Variants in DNAH14 observed in about 807,000 individuals in gnomAD.
DNAH14 encodes dynein axonemal heavy chain 14.
DNAH14 carries 478 observed loss-of-function variants against 520.9 expected under a neutral mutation model. The observed-to-expected ratio is 0.92, with a 90% CI of 0.85 to 0.99. The LOEUF is 0.99. Ranked by LOEUF, DNAH14 falls within the 50% of genes least tolerant of loss-of-function variation. The probability of loss-of-function intolerance (pLI) is 0.00; values close to 1 mark genes in which losing one functional copy is unlikely to be tolerated. For synonymous variants in DNAH14, 1,581 were observed against 1,757.2 expected, an observed-to-expected ratio of 0.90 and a Z score of 2.51; for missense variants, 4,831 against 5,234.5, an observed-to-expected ratio of 0.92 and a Z score of 2.38.
At chr1:225,389,941 C>T in intron 83 of DNAH14, 68 bp downstream of exon 83, 1 of 1,410,576 alleles carries the variant, frequency 7.1e-7, no homozygotes, top group South Asian at 1.3e-5. Context: ...CCTTCTGTCA[C>T]TCACCCTTTC....
At chr1:224,996,083 G>C (rs2063370537) in intron 8 of DNAH14, among the ~76,000 whole-genome samples, 1 of 152,040 alleles carries the variant, frequency 6.6e-6, no homozygotes, top group Non-Finnish European at 1.5e-5. Flanking sequence ...TTTGGGAGGT[G>C]TCATGATTTC....
chr1:225,275,694 T>A (rs1208929054), intron 52 of DNAH14, among the ~76,000 whole-genome samples: 1 of 152,166 alleles, frequency 6.6e-6, no homozygotes, highest in Non-Finnish European at 1.5e-5. Flanking sequence ...CCCTTATATT[T>A]TGATATATGC....
intron 7 of DNAH14, 75 bp from the exon 8 acceptor site, chr1:224,974,015 TA>T: frequency 1.0e-6 from 1 of 967,082 alleles, no homozygotes; most frequent in Non-Finnish European, 1.4e-6. Flanking sequence ...CTGGTATTAC[TA>T]AGCTTTTACT....
At chr1:225,207,321 C>A (rs1243940226) in intron 41 of DNAH14, 101 bp downstream of exon 41, 30 of 1,254,726 alleles carry the variant, frequency 2.4e-5, no homozygotes, top group Non-Finnish European at 3.0e-5. Context: ...AAAGAGCAGG[C>A]ATTTTTAGTC....
intron 36 of DNAH14, among the ~76,000 whole-genome samples, chr1:225,182,623 C>G (rs2084173632): frequency 6.6e-6 from 1 of 152,140 alleles, no homozygotes; most frequent in South Asian, 2.1e-4. Flanking sequence ...TACCCCAACC[C>G]CAGGCAGCAC....
In DNAH14 at chr1:225,393,876, T is replaced by C. The variant is rs571636199; in HGVS notation, c.13491+1425T>C. ...CTCTGTCACCCAGGCTGGAGTGCAG[T>C]GGCACGATCTCAGCTCACTGCAAGC... On this transcript the variant is annotated intron_variant, in intron 84 of 85. Coordinates refer to ENST00000682510, the MANE Select transcript of DNAH14 (RefSeq NM_001367479.1). Among the ~76,000 whole-genome samples the C allele has an allele frequency of 3.3e-5, 5 of 151,628 alleles. No individual in the cohort carries two copies. In the South Asian group the frequency reaches 1.0e-3, roughly 32 times the overall value.
chr1:225,309,736 T>C (rs577115530), intron 60 of DNAH14, among the ~76,000 whole-genome samples: 23 of 152,110 alleles, frequency 1.5e-4, no homozygotes, highest in African/African-American at 5.3e-4. Context: ...CTACTAAAAA[T>C]ACAAAAATTA....
intron 36 of DNAH14, among the ~76,000 whole-genome samples, chr1:225,180,086 G>T (rs1018120627): frequency 6.6e-6 from 1 of 152,148 alleles, no homozygotes; most frequent in Non-Finnish European, 1.5e-5. Context: ...CCTTGGGGTA[G>T]TCTTATTTGA....
chr1:225,077,497 AT>A (rs34234394), intron 17 of DNAH14, among the ~76,000 whole-genome samples: 111,828 of 151,574 alleles, frequency 0.74, 44,121 homozygotes, highest in Non-Finnish European at 0.88. Context: ...GTATTTCAAA[AT>A]TTTTTGGGCA....
At chr1:224,952,335 A>G (rs2060230692) in intron 1 of DNAH14, among the ~76,000 whole-genome samples, 1 of 152,148 alleles carries the variant, frequency 6.6e-6, no homozygotes, top group African/African-American at 2.4e-5. Context: ...GTTCTTTTTG[A>G]TAATTTCCCC....
chr1:225,280,493 G>T (rs1401657151), intron 54 of DNAH14, among the ~76,000 whole-genome samples: 2 of 152,022 alleles, frequency 1.3e-5, no homozygotes, highest in Non-Finnish European at 2.9e-5. Context: ...CAGCTACTCG[G>T]GAGGCTGAGG....
intron 10 of DNAH14, among the ~76,000 whole-genome samples, chr1:225,011,983 TCTTGTC>T (rs2064810453): frequency 6.6e-6 from 1 of 152,090 alleles, no homozygotes; most frequent in Non-Finnish European, 1.5e-5. Context: ...GTGAATTTCA[TCTTGTC>T]ATTATGATGC....
intron 55 of DNAH14, 148 bp from the exon 56 acceptor site, chr1:225,300,721 G>C: frequency 1.3e-6 from 1 of 766,898 alleles, no homozygotes; most frequent in South Asian, 1.9e-5. Flanking sequence ...AAAGGTGGGG[G>C]GTGGGGGAGA....
intron 81 of DNAH14, among the ~76,000 whole-genome samples, chr1:225,387,243 G>C (rs959488828): frequency 5.3e-5 from 8 of 152,016 alleles, no homozygotes; most frequent in Non-Finnish European, 1.2e-4. Flanking sequence ...GTCATGTGTG[G>C]GGGGGAGGGG....
chr1:225,043,339 AGAGATCATTTTAATAGTCTGTTGTG>A (rs1172444790), intron 13 of DNAH14, among the ~76,000 whole-genome samples: 2 of 151,788 alleles, frequency 1.3e-5, no homozygotes, highest in Non-Finnish European at 2.9e-5. Context: ...ATAACAAATG[AGAGATCATTTTAATAGTCTGTTGTG>A]TCTTCTAATT....
chr1:225,145,520 T>C, intron 30 of DNAH14, 141 bp downstream of exon 30: 1 of 629,336 alleles, frequency 1.6e-6, no homozygotes, highest in Admixed American at 3.9e-5. Context: ...CTGTTACTTC[T>C]TTTAAACTAA....
intron 49 of DNAH14, among the ~76,000 whole-genome samples, chr1:225,270,330 G>A (rs914705131): frequency 7.4e-6 from 1 of 135,370 alleles, no homozygotes; most frequent in African/African-American, 2.7e-5. Flanking sequence ...TGTGGGGTGG[G>A]GGGAGGGGGG....
intron 80 of DNAH14, 24 bp downstream of exon 80, chr1:225,380,346 T>TC: frequency 6.5e-7 from 1 of 1,538,276 alleles, no homozygotes; most frequent in Non-Finnish European, 8.8e-7. Context: ...AGGAGCTTTT[T>TC]CCCCTTACCT....
At position 225,137,051 on chromosome 1, in the gene DNAH14, T is replaced by C. The variant is rs186015068; in HGVS notation, c.4255-3717T>C. ...GCTGTTCTGGCTATCAGCTCCTGCA[T>C]TGTGTTGTTATGATTCTTAGCTTCT... On this transcript the variant is annotated intron_variant, in intron 27 of 85. Transcript: ENST00000682510. Among the ~76,000 whole-genome samples, 20 of 152,302 alleles carry C rather than the reference T, an allele frequency of 1.3e-4. 1 individual carries two copies. In the East Asian group the frequency reaches 2.3e-3, roughly 18 times the overall value.
Sources: gnomAD v4.1 joint callset for allele counts (sites outside exome capture counted in the v4.1 genomes callset) on GRCh38, gnomAD v4.1.1 for gene constraint, MANE v1.5 for transcripts, NCBI Gene and HGNC (gene_info 2026-07-23, HGNC 2026-07-21) for gene names.